The following SNX8 variants were observed in gnomAD, a reference collection of about 807,000 sequenced individuals.
SNX8 encodes sorting nexin-8.
In SNX8, 25 loss-of-function variants were observed where a neutral mutation model predicts 51.6. The ratio of observed to expected loss-of-function variants is 0.48; its 90% CI spans 0.35 to 0.68. SNX8 has a LOEUF of 0.68. Ranked by LOEUF, SNX8 falls within the 30% of genes least tolerant of loss-of-function variation. SNX8 has a pLI of 0.00. For missense variants in SNX8, 695 were observed against 624.0 expected (o/e 1.11, Z -1.21); for synonymous variants, 324 against 277.0 (o/e 1.17, Z -1.68).
chr7:2,251,990 CT>C lies in SNX8; in HGVS notation c.*3065del, dbSNP rs2115074474. On this transcript the variant is annotated 3_prime_UTR_variant, in exon 11 of 11. Transcript: ENST00000222990. The stretch of plus-strand genomic sequence containing the variant: ...TGTGCCCCATGTCAGAGCCCTAAAC[CT>C]GTCTCCCCTGCCTGCACTGTGTCCG... 1 of 152,374 alleles carries C rather than the reference CT, an allele frequency of 6.6e-6. No individual in the cohort carries two copies. The highest frequency in any genetic ancestry group is 6.5e-5 in the Admixed American group (1 of 15,304). The allele number at this position is 152,374 out of a possible 1,614,324, so 9.4% of individuals were successfully genotyped here.
intron 4 of SNX8, among the ~76,000 whole-genome samples, 167 bp from the exon 5 acceptor site, chr7:2,269,806 T>A (rs1795600089): frequency 6.6e-6 from 1 of 152,192 alleles, no homozygotes; most frequent in Non-Finnish European, 1.5e-5. Flanking sequence ...CTCCCTTAGA[T>A]GTTTTTCTCA....
At chr7:2,351,628 T>C (rs13310917) in intron 1 of SNX8, among the ~76,000 whole-genome samples, 58,479 of 151,160 alleles carry the variant, frequency 0.39, 14,033 homozygotes, top group East Asian at 0.77. Context: ...GTCAGGAGAG[T>C]GAGACCATCC....
intron 1 of SNX8, among the ~76,000 whole-genome samples, chr7:2,322,874 G>A (rs553545903): frequency 4.6e-5 from 7 of 150,724 alleles, no homozygotes; most frequent in East Asian, 2.0e-4. Context: ...AAAAAAATCC[G>A]GGCGTGGTGG....
At chr7:2,324,139 T>TA (rs1223901193) in intron 1 of SNX8, among the ~76,000 whole-genome samples, 2 of 151,556 alleles carry the variant, frequency 1.3e-5, no homozygotes, top group Non-Finnish European at 2.9e-5. Context: ...AAAGAATTTA[T>TA]AAAAAAAGAA....
At chr7:2,257,709 C>T in intron 8 of SNX8, 26 bp downstream of exon 8, 16 of 1,611,366 alleles carry the variant, frequency 9.9e-6, no homozygotes, top group African/African-American at 1.3e-5. Context: ...AGTTCTGCCC[C>T]CAGCCAAGGA....
In SNX8 at chr7:2,263,265, CCA is replaced by C; in HGVS notation, c.878_879del (p.Val293GlyfsTer14). ...SLKQALKGLS[V>X]EFALLADKAA... ...GCCTTGTCGGCGAGCAGCGCGAATT[CCA>C]CAGACAGGCCTTTCAGAGCCTGCTT... On this transcript the variant is annotated frameshift_variant, in exon 7 of 11. Transcript: ENST00000222990. LOFTEE classifies it high-confidence loss of function. 6.2e-7 allele frequency: 1 copy of C among 1,613,974 alleles called. No homozygotes were observed. Among genetic ancestry groups the C allele is most frequent in the Non-Finnish European group, 8.5e-7 (1 of 1,180,028 alleles).
At chr7:2,322,755 G>A (rs748345940) in intron 1 of SNX8, among the ~76,000 whole-genome samples, 2 of 150,868 alleles carry the variant, frequency 1.3e-5, no homozygotes, top group South Asian at 2.1e-4. Flanking sequence ...TATGGGTCAC[G>A]CCTGTAATCC....
At chr7:2,328,197 A>G (rs908341812) in intron 1 of SNX8, among the ~76,000 whole-genome samples, 1 of 152,056 alleles carries the variant, frequency 6.6e-6, no homozygotes, top group African/African-American at 2.4e-5. Context: ...GACTACAGGC[A>G]CGTGTCACCA....
chr7:2,288,641 A>G (rs1796085524), intron 1 of SNX8, among the ~76,000 whole-genome samples: 1 of 152,152 alleles, frequency 6.6e-6, no homozygotes. Flanking sequence ...AAGCAACAGC[A>G]GAATTAGCAT....
rs970585911 is a variant in SNX8, at chr7:2,271,764, G to A, written c.540+86C>T. The A allele has an allele frequency of 1.8e-5, 26 of 1,483,830 alleles. No individual in the cohort carries two copies. In the South Asian group the frequency reaches 2.6e-4, roughly 15 times the overall value. 91.9% of individuals were successfully genotyped at this position (1,483,830 alleles called of 1,614,324 possible). ...TCCAAACAAGGGACCAGGAGGATAA[G>A]AAACCACACCTGAGAGAGGAAAAGG... On this transcript the variant is annotated intron_variant, in intron 4 of 10. Coordinates refer to ENST00000222990, the MANE Select transcript of SNX8 (RefSeq NM_013321.4).
In SNX8 at chr7:2,344,383, G is replaced by A. The variant is rs189451011; in HGVS notation, c.-66+9839C>T. 4.8e-3 allele frequency among the ~76,000 whole-genome samples: 694 copies of A among 143,730 alleles called. 2 individuals carry two copies. Among genetic ancestry groups the A allele is most frequent in the Non-Finnish European group, 7.8e-3 (510 of 65,208 alleles). The allele number at this position is 143,730 out of a possible 152,430, so 94.3% of individuals were successfully genotyped here. A position where few individuals can be genotyped will look rare whatever the true frequency, so the allele number is the denominator to read the frequency against. On this transcript the variant is annotated intron_variant, in intron 1 of 5. Coordinates refer to the SNX8 transcript ENST00000435336. ...TCCCAGCACTTTGGGAGGCCCAGAC[G>A]GGCGGATCACGAGGTCAGGAGATCG...
intron 1 of SNX8, 146 bp downstream of exon 1, chr7:2,314,182 C>G: frequency 1.1e-6 from 1 of 883,210 alleles, no homozygotes; most frequent in East Asian, 3.6e-5. Context: ...GGGGGACCTC[C>G]GAGGGACTGG....
In SNX8 at chr7:2,262,818, G is replaced by A. The variant is rs553548685; in HGVS notation, c.915+412C>T. ...CCAGGGCACAGCTGTCATTCACTCG[G>A]CTCAGAACTGGGAAGCCGGCCGGGC... is the stretch of plus-strand genomic sequence containing the variant. On this transcript the variant is annotated intron_variant, in intron 7 of 10. Coordinates refer to ENST00000222990, the MANE Select transcript of SNX8 (RefSeq NM_013321.4). 3.9e-5 allele frequency among the ~76,000 whole-genome samples: 6 copies of A among 152,312 alleles called. No individual in the cohort carries two copies. The South Asian group carries it at 1.2e-3, about 32-fold the overall frequency.
Position 2,257,739 on chromosome 7 carries a change from T to C in SNX8, c.980A>G (p.Tyr327Cys). ...CAAGGAGCAGCCAAGACTCACCTTATAGGACTGCAGCAGATCCAAGAAGAG... is the reference window on the plus strand; with the variant it reads ...CAAGGAGCAGCCAAGACTCACCTTACAGGACTGCAGCAGATCCAAGAAGAG... ...LNLFLDLLQS[Y>C]KDLCERHEKG... is the part of the protein sequence containing the mutation. Residue 327 changes from tyrosine to cysteine, a missense_variant, in exon 8 of 11, where the codon TAT becomes TGT. Coordinates refer to ENST00000222990, the MANE Select transcript of SNX8 (RefSeq NM_013321.4). 1 of 1,613,794 alleles carries C rather than the reference T, an allele frequency of 6.2e-7. No individual in the cohort carries two copies. The highest frequency in any genetic ancestry group is 8.5e-7 in the Non-Finnish European group (1 of 1,179,786).
intron 1 of SNX8, among the ~76,000 whole-genome samples, chr7:2,340,368 G>A (rs575168958): frequency 4.6e-5 from 7 of 151,670 alleles, no homozygotes; most frequent in Admixed American, 3.3e-4. Context: ...CACCATGCCC[G>A]GCCTACACTA....
intron 7 of SNX8, among the ~76,000 whole-genome samples, chr7:2,258,471 C>T (rs1795252647): frequency 6.6e-6 from 1 of 152,120 alleles, no homozygotes. Flanking sequence ...GCCCCAGACC[C>T]CCCGACCCCT....
rs1795055970 is a variant in SNX8, at chr7:2,252,339, C to T, written c.*2717G>A. The stretch of plus-strand genomic sequence containing the variant: ...CGCTCTCCCTCCGGCATGGGGCCTC[C>T]ACCTGCAGCAGTAAGCAGCCTCTCA... On this transcript the variant is annotated 3_prime_UTR_variant, in exon 11 of 11. Coordinates refer to ENST00000222990, the MANE Select transcript of SNX8 (RefSeq NM_013321.4). 1 of 152,620 alleles carries T rather than the reference C, an allele frequency of 6.6e-6. No individual in the cohort carries two copies. Among genetic ancestry groups the T allele is most frequent in the Admixed American group, 6.5e-5 (1 of 15,302 alleles). 9.5% of individuals were successfully genotyped at this position (152,620 alleles called of 1,614,324 possible). A position where few individuals can be genotyped will look rare whatever the true frequency, so the allele number is the denominator to read the frequency against.
intron 1 of SNX8, among the ~76,000 whole-genome samples, chr7:2,334,231 G>A (rs772999533): frequency 2.0e-5 from 3 of 151,996 alleles, no homozygotes; most frequent in East Asian, 1.9e-4. Flanking sequence ...GTGAAACCCC[G>A]TCTCTACTAA....
intron 1 of SNX8, among the ~76,000 whole-genome samples, chr7:2,346,187 T>C (rs114876405): frequency 0.013 from 2,027 of 152,208 alleles, 42 homozygotes; most frequent in African/African-American, 0.046. Context: ...AGGTACATGA[T>C]GGCTTCCTCT....
Sources: allele counts gnomAD v4.1 joint callset (sites outside exome capture counted in the v4.1 genomes callset), GRCh38; gene constraint gnomAD v4.1.1; transcripts MANE v1.5; gene names NCBI Gene and HGNC (gene_info 2026-07-23, HGNC 2026-07-21).